The following JMY variants were observed in gnomAD, a reference collection of about 807,000 sequenced individuals.
JMY encodes junction mediating and regulatory protein, p53 cofactor, also known as junction-mediating and -regulatory protein.
In JMY, 46 loss-of-function variants were observed where a neutral mutation model predicts 103.3. The ratio of observed to expected loss-of-function variants is 0.45; its 90% CI spans 0.35 to 0.57. The LOEUF is 0.57. JMY is among the 20% of genes least tolerant of loss of function. The pLI, the probability that JMY is intolerant of heterozygous loss-of-function variation, is 0.00. For synonymous variants in JMY, 526 were observed against 489.3 expected (o/e 1.07, Z -0.99); for missense variants, 1,238 against 1,255.2 (o/e 0.99, Z 0.21).
intron 1 of JMY, among the ~76,000 whole-genome samples, chr5:79,263,397 AT>A (rs970055955): frequency 4.0e-5 from 6 of 149,792 alleles, no homozygotes; most frequent in Middle Eastern, 3.2e-3. Flanking sequence ...AGGTTTTTTG[AT>A]TTTTTTTTTC....
At chr5:79,306,226 C>G (rs761412422) in intron 6 of JMY, 149 bp from the exon 7 acceptor site, 6 of 602,448 alleles carry the variant, frequency 1.0e-5, no homozygotes, top group Non-Finnish European at 9.0e-6. Flanking sequence ...GCTTTTACAG[C>G]TTCAGTTGTC....
At position 79,278,103 on chromosome 5, in the gene JMY, A is replaced by G; in HGVS notation, c.1206+20A>G. On this transcript the variant is annotated intron_variant, in intron 2 of 10. Transcript: ENST00000396137. Reference sequence around the variant, plus strand: ...ATCAAGGTATTTTTTTATTAATCCTAACTAGTAGCCTGCCTGTTTCATAGT... The same window carrying G: ...ATCAAGGTATTTTTTTATTAATCCTGACTAGTAGCCTGCCTGTTTCATAGT... 6.3e-7 allele frequency: 1 copy of G among 1,590,714 alleles called. No homozygotes were observed. The highest frequency in any genetic ancestry group is 8.6e-7 in the Non-Finnish European group (1 of 1,164,644).
rs773986761 is a variant in JMY, at chr5:79,277,949, C to T, written c.1072C>T (p.Leu358Phe). The change falls in exon 2 of 11, where the codon CTT becomes TTT. Residue 358 changes from leucine to phenylalanine, a missense_variant. Physicochemically the swap from Leu to Phe is conservative, Grantham distance 22 (BLOSUM62 0). Transcript: ENST00000396137. ...CAAGAATACAGAGAGCATGGTGGAG[C>T]TTCTGGACTTGTATCAGATGGAGGA... ...KHKNTESMVE[L>F]LDLYQMEDEA... 1 of 1,613,984 alleles carries T rather than the reference C, an allele frequency of 6.2e-7. No homozygotes were observed. Among genetic ancestry groups the T allele is most frequent in the Non-Finnish European group, 8.5e-7 (1 of 1,179,918 alleles).
chr5:79,297,788 C>G (rs567940621), intron 4 of JMY, among the ~76,000 whole-genome samples: 1 of 152,262 alleles, frequency 6.6e-6, no homozygotes, highest in East Asian at 1.9e-4. Flanking sequence ...TTTTGGTTAT[C>G]TTTAGACCAC....
At chr5:79,248,682 A>G (rs923542661) in intron 1 of JMY, among the ~76,000 whole-genome samples, 4 of 152,116 alleles carry the variant, frequency 2.6e-5, no homozygotes, top group African/African-American at 9.7e-5. Flanking sequence ...TCTTACTAAC[A>G]ATTTTTCTGA....
At chr5:79,262,041 T>G (rs1013257651) in intron 1 of JMY, among the ~76,000 whole-genome samples, 3 of 152,240 alleles carry the variant, frequency 2.0e-5, no homozygotes, top group Non-Finnish European at 4.4e-5. Context: ...AGGCCCCTGC[T>G]CTTTGTCCTT....
At chr5:79,287,818 T>C (rs1329123047) in intron 2 of JMY, among the ~76,000 whole-genome samples, 1 of 152,258 alleles carries the variant, frequency 6.6e-6, no homozygotes, top group Non-Finnish European at 1.5e-5. Context: ...AAAAAAGGTA[T>C]AACTTCACTA....
At chr5:79,288,262 T>C (rs1312256921) in intron 2 of JMY, among the ~76,000 whole-genome samples, 1 of 152,198 alleles carries the variant, frequency 6.6e-6, no homozygotes, top group African/African-American at 2.4e-5. Flanking sequence ...GCAAGCAGGC[T>C]GGACTGCTTT....
intron 1 of JMY, among the ~76,000 whole-genome samples, chr5:79,249,595 T>A (rs1656588963): frequency 6.6e-6 from 1 of 152,174 alleles, no homozygotes. Flanking sequence ...AGGAGATGAA[T>A]GGAGGAACAG....
intron 1 of JMY, among the ~76,000 whole-genome samples, chr5:79,254,891 C>A (rs1454618298): frequency 6.6e-6 from 1 of 150,800 alleles, no homozygotes; most frequent in African/African-American, 2.4e-5. Context: ...CTCACTATTT[C>A]TTTCTTCTGC....
chr5:79,312,621 T>C (rs1244046131), intron 8 of JMY, 123 bp downstream of exon 8: 6 of 460,612 alleles, frequency 1.3e-5, no homozygotes, highest in Non-Finnish European at 2.3e-5. Flanking sequence ...TAAACTATTA[T>C]AACCATGGAA....
chr5:79,302,178 A>C (rs572442985), intron 6 of JMY, among the ~76,000 whole-genome samples: 1 of 152,162 alleles, frequency 6.6e-6, no homozygotes, highest in South Asian at 2.1e-4. Context: ...TCAGAAGAGC[A>C]CATTTTTGAG....
intron 8 of JMY, 115 bp from the exon 9 acceptor site, chr5:79,314,142 A>T: frequency 6.8e-7 from 1 of 1,478,328 alleles, no homozygotes; most frequent in Non-Finnish European, 8.9e-7. Context: ...TACAGGCGTG[A>T]GCCACCACAC....
intron 1 of JMY, among the ~76,000 whole-genome samples, chr5:79,275,146 G>A (rs1309069381): frequency 6.7e-6 from 1 of 149,048 alleles, no homozygotes; most frequent in Non-Finnish European, 1.5e-5. Flanking sequence ...AAGACTGTGG[G>A]TTTCTGAGGG....
rs1164628204 is a variant in JMY at position 79,236,668 on chromosome 5, G to A, written c.18G>A (p.Glu6=). 2.0e-6 allele frequency: 3 copies of A among 1,471,098 alleles called. No homozygotes were observed. The highest frequency in any genetic ancestry group is 1.5e-5 in the African/African-American group (1 of 68,306). The allele number at this position is 1,471,098 out of a possible 1,614,324, so 91.1% of individuals were successfully genotyped here. The part of the protein sequence containing the change: MSFAL[E]ETLESDWVAV... ...GAGCCACCATGTCGTTCGCGCTGGA[G>A]GAGACGCTCGAGTCGGACTGGGTGG... Residue 6 remains glutamate (E), a synonymous_variant, in exon 1 of 11, where the codon GAG becomes GAA. Transcript: ENST00000396137.
intron 4 of JMY, among the ~76,000 whole-genome samples, chr5:79,298,438 T>C (rs1166514444): frequency 6.6e-6 from 1 of 152,182 alleles, no homozygotes; most frequent in East Asian, 1.9e-4. Context: ...AAGGGATGTT[T>C]ATCATCTAAA....
Position 79,322,874 on chromosome 5 carries a change from A to C in JMY, c.*1272A>C. The C allele has an allele frequency of 6.6e-6, 1 of 152,208 alleles. No individual in the cohort carries two copies. The highest frequency in any genetic ancestry group is 1.9e-4 in the East Asian group (1 of 5,202). The allele number at this position is 152,208 out of a possible 1,614,324, so 9.4% of individuals were successfully genotyped here. A position where few individuals can be genotyped will look rare whatever the true frequency, so the allele number is the denominator to read the frequency against. On this transcript the variant is annotated 3_prime_UTR_variant, in exon 11 of 11. Coordinates refer to ENST00000396137, the MANE Select transcript of JMY (RefSeq NM_152405.5). ...AGGGAGTTAAGAACTAAAATACCAA[A>C]AATCACTTTATTTCTTTTAAGACAA...
At chr5:79,317,649 G>T (rs1747280424) in intron 10 of JMY, among the ~76,000 whole-genome samples, 1 of 152,196 alleles carries the variant, frequency 6.6e-6, no homozygotes, top group Non-Finnish European at 1.5e-5. Context: ...AAGGGAATAA[G>T]TAAAGGAATA....
rs1434901470 is a variant in JMY at position 79,236,527 on chromosome 5, C to A, written c.-124C>A. The A allele has an allele frequency of 1.0e-5, 7 of 682,510 alleles. No individual in the cohort carries two copies. The South Asian group carries it at 1.2e-4, about 11-fold the overall frequency. 42.3% of individuals were successfully genotyped at this position (682,510 alleles called of 1,614,324 possible). On this transcript the variant is annotated 5_prime_UTR_variant, in exon 1 of 11. Transcript: ENST00000396137. Reference sequence around the variant, plus strand: ...CAGGCGAACGAGCCGGGAGAGCCGGCCGGCGCACTAAGATGGCTGAAGGCG... The same window carrying A: ...CAGGCGAACGAGCCGGGAGAGCCGGACGGCGCACTAAGATGGCTGAAGGCG...
Sources: gnomAD v4.1 joint callset for allele counts (sites outside exome capture counted in the v4.1 genomes callset) on GRCh38, gnomAD v4.1.1 for gene constraint, MANE v1.5 for transcripts, NCBI Gene and HGNC (gene_info 2026-07-23, HGNC 2026-07-21) for gene names.